Variants in ATP2B4 observed in about 807,000 individuals in gnomAD.
The protein encoded by ATP2B4 is plasma membrane calcium-transporting ATPase 4.
Under a neutral mutation model 110.3 loss-of-function variants are expected in ATP2B4, and 39 were observed. That is an observed-to-expected ratio of 0.35 (90% CI 0.27 to 0.46). The LOEUF is 0.46. Ranked by LOEUF, ATP2B4 falls within the 20% of genes least tolerant of loss-of-function variation. The pLI is 1.00. For missense variants in ATP2B4, 1,135 were observed against 1,530.9 expected (o/e 0.74, Z 4.32); for synonymous variants, 538 against 571.7 (o/e 0.94, Z 0.84).
intron 15 of ATP2B4, among the ~76,000 whole-genome samples, chr1:203,719,224 CG>C (rs1666245358): frequency 1.1e-4 from 10 of 88,526 alleles, no homozygotes; most frequent in East Asian, 4.2e-4. Flanking sequence ...GACCCTGTCT[CG>C]AAAAAAAAAA....
intron 1 of ATP2B4, among the ~76,000 whole-genome samples, chr1:203,637,363 G>C (rs560917353): frequency 2.6e-5 from 4 of 151,224 alleles, no homozygotes; most frequent in African/African-American, 7.3e-5. Context: ...CCCCCGGGGG[G>C]GGGCGGAGCC....
At chr1:203,632,229 A>C (rs1484320897) in intron 1 of ATP2B4, among the ~76,000 whole-genome samples, 2 of 152,126 alleles carry the variant, frequency 1.3e-5, no homozygotes, top group Admixed American at 6.5e-5. Flanking sequence ...AAGAATGACT[A>C]GGAGCCCTGT....
intron 1 of ATP2B4, among the ~76,000 whole-genome samples, chr1:203,645,873 G>A (rs1663783611): frequency 1.3e-5 from 2 of 152,124 alleles, no homozygotes; most frequent in Non-Finnish European, 2.9e-5. Flanking sequence ...ACAGGCGTGA[G>A]CCACCGTGCC....
intron 2 of ATP2B4, among the ~76,000 whole-genome samples, chr1:203,695,643 CA>C (rs1558037706): frequency 6.6e-6 from 1 of 152,142 alleles, no homozygotes; most frequent in East Asian, 1.9e-4. Flanking sequence ...AATGTGGTCT[CA>C]AAAGAGGGCC....
At chr1:203,699,004 G>A (rs1324027843) in intron 3 of ATP2B4, among the ~76,000 whole-genome samples, 1 of 152,054 alleles carries the variant, frequency 6.6e-6, no homozygotes, top group Admixed American at 6.6e-5. Context: ...CAAACCCCTG[G>A]GGTCAAGCGA....
Position 203,722,479 on chromosome 1 carries a change from T to C in ATP2B4, c.2814T>C (p.Gly938=), listed in dbSNP as rs572777142. 2.6e-5 allele frequency: 42 copies of C among 1,609,930 alleles called. No homozygotes were observed. The South Asian group carries it at 4.6e-4, about 18-fold the overall frequency. ...CAGTGCTTCTCCTCTCCCCACTAGGTGAGAAATTCTTTGATATTGATAGTG... is the reference window on the plus strand; with the variant it reads ...CAGTGCTTCTCCTCTCCCCACTAGGCGAGAAATTCTTTGATATTGATAGTG... ...LIVIFILVFA[G]EKFFDIDSGR... The change falls in exon 18 of 21, where the codon GGT becomes GGC. Residue 938 remains glycine, a splice_region_variant and synonymous_variant. Coordinates refer to ENST00000357681, the MANE Select transcript of ATP2B4 (RefSeq NM_001684.5).
At chr1:203,650,143 A>G (rs1663933906) in intron 1 of ATP2B4, among the ~76,000 whole-genome samples, 1 of 152,214 alleles carries the variant, frequency 6.6e-6, no homozygotes. Flanking sequence ...GCATTGATCA[A>G]TAGACATTTA....
intron 20 of ATP2B4, among the ~76,000 whole-genome samples, chr1:203,737,311 T>G (rs1666899815): frequency 2.6e-5 from 4 of 152,326 alleles, no homozygotes; most frequent in African/African-American, 7.2e-5. Flanking sequence ...TTGAAGATGA[T>G]GTACTGGCGG....
chr1:203,683,818 T>C (rs4951371), intron 2 of ATP2B4, among the ~76,000 whole-genome samples: 126,261 of 151,614 alleles, frequency 0.83, 53,394 homozygotes, highest in East Asian at 1. Flanking sequence ...GGACCACAGG[T>C]GTGTGCCATC....
At chr1:203,730,394 C>A (rs999117861) in intron 20 of ATP2B4, among the ~76,000 whole-genome samples, 1 of 152,134 alleles carries the variant, frequency 6.6e-6, no homozygotes, top group African/African-American at 2.4e-5. Flanking sequence ...CCCACGCTCA[C>A]TCCCTACCCC....
In ATP2B4 at chr1:203,703,743, G is replaced by T. The variant is rs778568395; in HGVS notation, c.1029G>T (p.Lys343Asn). 1.2e-6 allele frequency: 2 copies of T among 1,614,170 alleles called. No homozygotes were observed. The highest frequency in any genetic ancestry group is 3.3e-5 in the Admixed American group (2 of 60,020). Residue 343 changes from lysine (K) to asparagine (N), a missense_variant, in exon 8 of 21, where the codon AAG (lysine) becomes AAT (asparagine). Physicochemically the swap from Lys to Asn is moderately conservative, Grantham distance 94. Transcript: ENST00000357681. ...DNEEKDKKAV[K>N]VPKKEKSVLQ... ...AGGAAAAGGACAAGAAGGCAGTCAA[G>T]GTGCCTAAAAAGGAGAAGTCAGTGC...
At chr1:203,698,534 T>C (rs1571735593) in intron 3 of ATP2B4, among the ~76,000 whole-genome samples, 180 bp downstream of exon 3, 1 of 152,166 alleles carries the variant, frequency 6.6e-6, no homozygotes, top group Admixed American at 6.6e-5. Context: ...CTCATCCTTA[T>C]TCCAAGGGTT....
intron 1 of ATP2B4, among the ~76,000 whole-genome samples, chr1:203,632,662 C>G (rs952344647): frequency 1.1e-4 from 16 of 150,114 alleles, no homozygotes; most frequent in African/African-American, 3.9e-4. Context: ...TACTTTTTAA[C>G]CTTCATTCCC....
At chr1:203,669,756 C>A (rs1000483608) in intron 1 of ATP2B4, among the ~76,000 whole-genome samples, 1 of 152,106 alleles carries the variant, frequency 6.6e-6, no homozygotes, top group Non-Finnish European at 1.5e-5. Context: ...GACTTTCATA[C>A]TTTTCCTTCC....
chr1:203,696,600 G>A (rs1463321160), intron 2 of ATP2B4, among the ~76,000 whole-genome samples: 1 of 152,212 alleles, frequency 6.6e-6, no homozygotes, highest in African/African-American at 2.4e-5. Flanking sequence ...ACACCAACTG[G>A]CATTAATCAC....
rs140798450 is a variant in ATP2B4 at position 203,662,184 on chromosome 1, C to T, written c.-464-20558C>T. ...GACTGCAGGTGCCTGCCACCACGCC[C>T]GACTAATTTCTTTTTGTATTTTTAG... On this transcript the variant is annotated intron_variant, in intron 1 of 20. Coordinates refer to ENST00000357681, the MANE Select transcript of ATP2B4 (RefSeq NM_001684.5). Among the ~76,000 whole-genome samples, 802 of 152,144 alleles carry T rather than the reference C, an allele frequency of 5.3e-3. 7 individuals are homozygous for T. Among genetic ancestry groups the T allele is most frequent in the African/African-American group, 0.019 (768 of 41,504 alleles).
In ATP2B4 at chr1:203,629,601, G is replaced by A. The variant is rs1194579417; in HGVS notation, c.-465+2382G>A. 6.6e-6 allele frequency among the ~76,000 whole-genome samples: 1 copy of A among 152,108 alleles called. No individual in the cohort carries two copies. Among genetic ancestry groups the A allele is most frequent in the Non-Finnish European group, 1.5e-5 (1 of 68,000 alleles). On this transcript the variant is annotated intron_variant, in intron 1 of 20. Transcript: ENST00000357681. This position sits in a 1 kb window ranked among gnomAD's most constrained non-coding sequence, Gnocchi z 4.6. ...GGCAGGATTGACTGCGCAACCCTGC[G>A]GCCCCTGTGCTCTCCGCGGCCTCTG...
chr1:203,673,932 C>G (rs1041380698), intron 1 of ATP2B4, among the ~76,000 whole-genome samples: 1 of 152,116 alleles, frequency 6.6e-6, no homozygotes, highest in Non-Finnish European at 1.5e-5. Flanking sequence ...TGCTGAAATT[C>G]GTTTCTAAAA....
At chr1:203,687,456 G>C (rs1265784526) in intron 2 of ATP2B4, among the ~76,000 whole-genome samples, 6 of 152,156 alleles carry the variant, frequency 3.9e-5, no homozygotes, top group African/African-American at 1.4e-4. Context: ...AGGCCACACA[G>C]CCTGACAGCC....
Sources: allele counts gnomAD v4.1 joint callset (sites outside exome capture counted in the v4.1 genomes callset), GRCh38; gene constraint gnomAD v4.1.1; non-coding constraint Gnocchi (gnomAD v3.1); transcripts MANE v1.5; gene names NCBI Gene and HGNC (gene_info 2026-07-23, HGNC 2026-07-21).